TNRC6B: variants seen among roughly 807,000 people sequenced by gnomAD.
The protein encoded by TNRC6B is trinucleotide repeat-containing gene 6B protein.
A neutral mutation model predicts 203.6 loss-of-function variants in TNRC6B; 52 were observed. That is an observed-to-expected ratio of 0.26 (90% CI 0.20 to 0.32). The LOEUF (loss-of-function observed/expected upper bound fraction) is 0.32. TNRC6B is among the 10% of genes least tolerant of loss of function. The pLI, the probability that TNRC6B is intolerant of heterozygous loss-of-function variation, is 1.00. For synonymous variants in TNRC6B, 838 were observed against 845.7 expected (o/e 0.99, Z 0.16); for missense variants, 1,923 against 2,286.2 (o/e 0.84, Z 3.24).
chr22:40,270,476 C>A (rs375125744), intron 6 of TNRC6B, among the ~76,000 whole-genome samples, 196 bp downstream of exon 6: 1 of 152,000 alleles, frequency 6.6e-6, no homozygotes, highest in African/African-American at 2.4e-5. Flanking sequence ...CCCGCCACCA[C>A]GCCCGGCTAA....
At chr22:40,168,850 A>C (rs1415691533) in intron 4 of TNRC6B, among the ~76,000 whole-genome samples, 3 of 151,542 alleles carry the variant, frequency 2.0e-5, no homozygotes, top group African/African-American at 7.3e-5. Flanking sequence ...TCAAACTCTC[A>C]CCTCCTCCCC....
intron 3 of TNRC6B, among the ~76,000 whole-genome samples, chr22:40,143,162 G>C (rs1405565958): frequency 6.6e-6 from 1 of 152,204 alleles, no homozygotes; most frequent in Non-Finnish European, 1.5e-5. Context: ...GGGCACAGTG[G>C]CTCATGCCTA....
At chr22:40,106,175 A>G (rs2068281003) in intron 1 of TNRC6B, 1 of 239,334 alleles carries the variant, frequency 4.2e-6, no homozygotes, top group Admixed American at 6.4e-5. Context: ...ACTCTTTATT[A>G]TTTTGAATAT....
At chr22:40,281,321 G>C (rs1264944060) in intron 11 of TNRC6B, 32 bp downstream of exon 11, 1 of 1,509,440 alleles carries the variant, frequency 6.6e-7, no homozygotes, top group Admixed American at 2.2e-5. Context: ...ATAACTGCTT[G>C]GCTATGGCCT....
At chr22:40,239,506 T>C (rs918233882) in intron 1 of TNRC6B, among the ~76,000 whole-genome samples, 5 of 152,174 alleles carry the variant, frequency 3.3e-5, no homozygotes, top group East Asian at 1.9e-4. Context: ...ATGGTGCTGT[T>C]GAAGCAAGTG....
chr22:40,234,828 A>C (rs1389353043), intron 1 of TNRC6B, among the ~76,000 whole-genome samples: 3 of 152,210 alleles, frequency 2.0e-5, no homozygotes, highest in Non-Finnish European at 4.4e-5. Context: ...AATATGTGCA[A>C]ATTACATTAG....
intron 6 of TNRC6B, among the ~76,000 whole-genome samples, chr22:40,271,965 A>T (rs1042555654): frequency 1.5e-5 from 2 of 132,350 alleles, no homozygotes; most frequent in African/African-American, 5.5e-5. Context: ...CTTTTCTGTA[A>T]GAAACATTTG....
chr22:40,179,363 C>T (rs1032685217), intron 1 of TNRC6B, among the ~76,000 whole-genome samples: 2 of 152,108 alleles, frequency 1.3e-5, no homozygotes, highest in Admixed American at 1.3e-4. Flanking sequence ...TACTCCACCC[C>T]CCTGAGCACA....
Position 40,285,739 on chromosome 22 carries a change from C to T in TNRC6B, c.3677C>T (p.Ala1226Val), listed in dbSNP as rs761185323. 13 of 1,613,830 alleles carry T rather than the reference C, an allele frequency of 8.1e-6. No homozygotes were observed. Among genetic ancestry groups the T allele is most frequent in the Admixed American group, 6.7e-5 (4 of 59,996 alleles). Residue 1226 changes from alanine to valine, a missense_variant, in exon 12 of 23, where the codon GCG becomes GTG. By Grantham distance (64) the Ala-to-Val change is moderately conservative. Coordinates refer to ENST00000454349, the MANE Select transcript of TNRC6B (RefSeq NM_001162501.2). ...CTAAATTCTTCTCCCAGTCTCCGGG[C>T]GCAAGTGCCTCCCCAGTTTATTTCC... ...QPLNSSPSLRAQVPPQFISPQ... is the reference protein window; with the variant it reads ...QPLNSSPSLRVQVPPQFISPQ...
intron 4 of TNRC6B, among the ~76,000 whole-genome samples, chr22:40,159,667 T>TA (rs914227053): frequency 6.5e-5 from 5 of 77,236 alleles, no homozygotes; most frequent in African/African-American, 2.5e-4. Flanking sequence ...TTTAAAAATT[T>TA]AAAAAAAAAG....
chr22:40,062,911 C>T (rs547860858), intron 1 of TNRC6B, among the ~76,000 whole-genome samples: 1 of 151,924 alleles, frequency 6.6e-6, no homozygotes, highest in African/African-American at 2.4e-5. Flanking sequence ...GGTTGATGCA[C>T]TAAACTTTTA....
chr22:40,113,278 T>A (rs1250870336), intron 1 of TNRC6B, among the ~76,000 whole-genome samples: 1 of 152,212 alleles, frequency 6.6e-6, no homozygotes, highest in African/African-American at 2.4e-5. Context: ...AAAGATAGTA[T>A]TTCCAGGTCT....
At chr22:40,280,970 A>G in intron 10 of TNRC6B, 149 bp from the exon 11 acceptor site, 1 of 646,664 alleles carries the variant, frequency 1.5e-6, no homozygotes, top group East Asian at 3.0e-5. Flanking sequence ...AAGTGTAAAG[A>G]TTATTATCAG....
intron 1 of TNRC6B, among the ~76,000 whole-genome samples, chr22:40,185,555 G>A (rs145363881): frequency 1.2e-4 from 19 of 152,318 alleles, no homozygotes; most frequent in South Asian, 6.2e-4. Flanking sequence ...TGGGCAGAAT[G>A]GTGGTGAGTA....
At chr22:40,124,892 A>G (rs1449509355) in intron 2 of TNRC6B, among the ~76,000 whole-genome samples, 1 of 151,992 alleles carries the variant, frequency 6.6e-6, no homozygotes, top group Non-Finnish European at 1.5e-5. Context: ...AGGCGCCTGT[A>G]GTCCCAGCTA....
chr22:40,109,585 T>C (rs2068315464), intron 1 of TNRC6B, among the ~76,000 whole-genome samples: 2 of 152,252 alleles, frequency 1.3e-5, no homozygotes, highest in Non-Finnish European at 2.9e-5. Flanking sequence ...CTAATACTTC[T>C]GATGTTTCAT....
intron 4 of TNRC6B, among the ~76,000 whole-genome samples, chr22:40,262,656 A>G (rs1451077730): frequency 6.6e-6 from 1 of 152,142 alleles, no homozygotes; most frequent in Non-Finnish European, 1.5e-5. Context: ...TAAACTCAGT[A>G]TTTCTTTTTG....
At chr22:40,129,778 C>CA (rs1229597446) in intron 3 of TNRC6B, among the ~76,000 whole-genome samples, 1 of 152,004 alleles carries the variant, frequency 6.6e-6, no homozygotes, top group Non-Finnish European at 1.5e-5. Flanking sequence ...GTGAAACTGA[C>CA]AATCAAATGG....
At chr22:40,068,386 C>T (rs1158311805) in intron 1 of TNRC6B, among the ~76,000 whole-genome samples, 1 of 152,036 alleles carries the variant, frequency 6.6e-6, no homozygotes, top group African/African-American at 2.4e-5. Flanking sequence ...GGCGCAATCT[C>T]GGGTCACTAC....
Sources: allele counts gnomAD v4.1 joint callset (sites outside exome capture counted in the v4.1 genomes callset), GRCh38; gene constraint gnomAD v4.1.1; transcripts MANE v1.5; gene names NCBI Gene and HGNC (gene_info 2026-07-23, HGNC 2026-07-21).